SEMA4F: variants seen among roughly 807,000 people sequenced by gnomAD.
The protein encoded by SEMA4F is semaphorin-4F.
A neutral mutation model predicts 78.4 loss-of-function variants in SEMA4F; 51 were observed. That is an observed-to-expected ratio of 0.65 (90% CI 0.52 to 0.82). The LOEUF is 0.82. SEMA4F is among the 40% of genes least tolerant of loss of function. SEMA4F has a pLI of 0.00. For missense variants in SEMA4F, 938 were observed against 1,014.4 expected (o/e 0.92, Z 1.02); for synonymous variants, 418 against 408.7 (o/e 1.02, Z -0.27).
At chr2:74,703,111 A>G in the SEMA4F span, among the ~76,000 whole-genome samples, 2 of 152,150 alleles carry the variant, frequency 1.3e-5, no homozygotes, top group African/African-American at 4.8e-5. Context: ...CTAACCTTCT[A>G]TTGGGGGTCA....
intron 4 of SEMA4F, among the ~76,000 whole-genome samples, chr2:74,659,060 C>T (rs1387091788): frequency 1.3e-5 from 2 of 152,292 alleles, no homozygotes; most frequent in Middle Eastern, 3.4e-3. Context: ...TATGTTAAGT[C>T]CTTTTCATAA....
At chr2:74,697,246 G>A in the SEMA4F span, among the ~76,000 whole-genome samples, 1 of 152,162 alleles carries the variant, frequency 6.6e-6, no homozygotes, top group South Asian at 2.1e-4. Flanking sequence ...TTAGTCCTGA[G>A]GCATGCTGGG....
In SEMA4F at chr2:74,657,845, A is replaced by T. The variant is rs777072922; in HGVS notation, c.358-8A>T. On this transcript the variant is annotated splice_region_variant and splice_polypyrimidine_tract_variant and intron_variant, in intron 3 of 13. Transcript: ENST00000357877. ...TTCTGATTCTTTCTAACCGTCTCTG[A>T]CCCCCAGGACGAATGTCACAATTTT... 6.2e-7 allele frequency: 1 copy of T among 1,612,922 alleles called. No individual in the cohort carries two copies. The highest frequency in any genetic ancestry group is 1.1e-5 in the South Asian group (1 of 91,040).
At position 74,679,272 on chromosome 2, in the gene SEMA4F, A is replaced by G. The variant is rs764211154; in HGVS notation, c.1644-4A>G. 1 of 1,610,378 alleles carries G rather than the reference A, an allele frequency of 6.2e-7. No individual in the cohort carries two copies. Among genetic ancestry groups the G allele is most frequent in the East Asian group, 2.2e-5 (1 of 44,862 alleles). ...GGATTTACCAAGCATTCTCTTCTTTATAGGTTGGTCCAAGACATAGAGTCA... is the reference window on the plus strand; with the variant it reads ...GGATTTACCAAGCATTCTCTTCTTTGTAGGTTGGTCCAAGACATAGAGTCA... On this transcript the variant is annotated splice_polypyrimidine_tract_variant and splice_region_variant and intron_variant, in intron 12 of 13. Coordinates refer to ENST00000357877, the MANE Select transcript of SEMA4F (RefSeq NM_004263.5).
chr2:74,696,768 T>A, the SEMA4F span, among the ~76,000 whole-genome samples: 1 of 152,228 alleles, frequency 6.6e-6, no homozygotes, highest in East Asian at 1.9e-4. Context: ...AAATGCATTC[T>A]TATTTCCATT....
chr2:74,657,880 C>A lies in SEMA4F; in HGVS notation c.385C>A (p.Leu129Ile), dbSNP rs202133445. ...CGAATGTCACAATTTTGTCCAGATT[C>A]TCGCCATTGCCAATGCCTCTCACCT... ...EDECHNFVQI[L>I]AIANASHLLT... Residue 129 changes from leucine (L) to isoleucine (I), a missense_variant, in exon 4 of 14, where the codon CTC (leucine) becomes ATC (isoleucine). Physicochemically the swap from Leu to Ile is conservative, Grantham distance 5. Transcript: ENST00000357877. The A allele has an allele frequency of 6.2e-7, 1 of 1,614,236 alleles. No homozygotes were observed. The highest frequency in any genetic ancestry group is 2.2e-5 in the East Asian group (1 of 44,892).
chr2:74,661,129 TA>T (rs2104930499), intron 4 of SEMA4F, among the ~76,000 whole-genome samples: 1 of 152,314 alleles, frequency 6.6e-6, no homozygotes, highest in African/African-American at 2.4e-5. Flanking sequence ...GCATAAGGGT[TA>T]AAGAGAATGA....
At chr2:74,671,232 C>T (rs1018979373) in intron 5 of SEMA4F, among the ~76,000 whole-genome samples, 1 of 152,192 alleles carries the variant, frequency 6.6e-6, no homozygotes, top group Non-Finnish European at 1.5e-5. Flanking sequence ...ACTTCCCCAC[C>T]CCAAAAGAAG....
At chr2:74,683,898 C>T (rs1457668603), downstream of SEMA4F, 5 of 152,138 alleles carry the variant, frequency 3.3e-5, no homozygotes, top group African/African-American at 9.7e-5. Context: ...CTAATATCAG[C>T]ATTTCTAAAA....
chr2:74,703,654 A>C, the SEMA4F span, among the ~76,000 whole-genome samples: 1 of 152,238 alleles, frequency 6.6e-6, no homozygotes, highest in Non-Finnish European at 1.5e-5. Flanking sequence ...GTGGATCCCC[A>C]CGTGACCTGG....
At chr2:74,668,298 A>G (rs1684799761) in intron 5 of SEMA4F, among the ~76,000 whole-genome samples, 1 of 152,190 alleles carries the variant, frequency 6.6e-6, no homozygotes, top group African/African-American at 2.4e-5. Context: ...GATGCACTGC[A>G]TGCTGCCAGC....
At chr2:74,668,013 A>G (rs1684781645) in intron 5 of SEMA4F, among the ~76,000 whole-genome samples, 1 of 152,114 alleles carries the variant, frequency 6.6e-6, no homozygotes, top group Non-Finnish European at 1.5e-5. Context: ...AAGTGAGCTC[A>G]TCATCTTTAC....
the SEMA4F span, among the ~76,000 whole-genome samples, chr2:74,704,733 C>T: frequency 6.6e-6 from 1 of 152,106 alleles, no homozygotes. Flanking sequence ...CAATAATGCT[C>T]CCAGCCCTAG....
At chr2:74,703,728 C>T in the SEMA4F span, among the ~76,000 whole-genome samples, 5 of 152,206 alleles carry the variant, frequency 3.3e-5, no homozygotes, top group Non-Finnish European at 7.4e-5. Context: ...TCAGTAGGAA[C>T]CAACCCCTGC....
chr2:74,674,699 A>G (rs753807496), intron 8 of SEMA4F, 23 bp downstream of exon 8: 6 of 1,610,304 alleles, frequency 3.7e-6, no homozygotes, highest in Middle Eastern at 1.7e-4. Context: ...GGTGTGGAGG[A>G]GAGTTACAGG....
the SEMA4F span, among the ~76,000 whole-genome samples, chr2:74,692,103 A>G: frequency 6.6e-6 from 1 of 152,274 alleles, no homozygotes; most frequent in Non-Finnish European, 1.5e-5. Flanking sequence ...CTGCTGGATT[A>G]TGACTCAAGT....
At chr2:74,702,169 A>G in the SEMA4F span, among the ~76,000 whole-genome samples, 1 of 152,178 alleles carries the variant, frequency 6.6e-6, no homozygotes, top group Non-Finnish European at 1.5e-5. Flanking sequence ...ACAAGCTCCC[A>G]TGATGATGTC....
chr2:74,675,422 A>G (rs1413095173), intron 10 of SEMA4F, 38 bp downstream of exon 10: 7 of 1,601,454 alleles, frequency 4.4e-6, no homozygotes, highest in Non-Finnish European at 6.0e-6. Context: ...TACCTAGTGC[A>G]TACACATTCT....
intron 1 of SEMA4F, among the ~76,000 whole-genome samples, chr2:74,656,240 C>G (rs1684128926): frequency 6.6e-6 from 1 of 152,070 alleles, no homozygotes; most frequent in Non-Finnish European, 1.5e-5. Context: ...AAACTCCTGA[C>G]CTCAAGTGAT....
Sources: gnomAD v4.1 joint callset for allele counts (sites outside exome capture counted in the v4.1 genomes callset) on GRCh38, gnomAD v4.1.1 for gene constraint, MANE v1.5 for transcripts, NCBI Gene and HGNC (gene_info 2026-07-23, HGNC 2026-07-21) for gene names.